The following NFIB variants were observed in gnomAD, a reference collection of about 807,000 sequenced individuals.
NFIB encodes the protein nuclear factor 1 B-type.
A neutral mutation model predicts 61.5 loss-of-function variants in NFIB; 11 were observed. That is an observed-to-expected ratio of 0.18 (90% CI 0.11 to 0.30). The LOEUF is 0.30. Ranked by LOEUF, NFIB falls within the 10% of genes least tolerant of loss-of-function variation. The probability of loss-of-function intolerance (pLI) is 1.00; values close to 1 mark genes in which losing one functional copy is unlikely to be tolerated. For missense variants in NFIB, 471 were observed against 608.9 expected (o/e 0.77, Z 2.38); for synonymous variants, 260 against 216.5 (o/e 1.20, Z -1.76).
chr9:14,332,910 G>T (rs1054195103), intron 1 of NFIB, among the ~76,000 whole-genome samples: 2 of 152,190 alleles, frequency 1.3e-5, no homozygotes, highest in Admixed American at 6.5e-5. Context: ...AGGTCGGAAG[G>T]GTGGTCTGAT....
chr9:14,512,431 CAG>C, the NFIB span, among the ~76,000 whole-genome samples: 9 of 152,162 alleles, frequency 5.9e-5, no homozygotes, highest in Admixed American at 5.9e-4. Context: ...TTCTTTGAGA[CAG>C]ATATTTATAA....
chr9:14,257,448 T>C (rs1444879805), intron 2 of NFIB, among the ~76,000 whole-genome samples: 1 of 152,118 alleles, frequency 6.6e-6, no homozygotes, highest in Non-Finnish European at 1.5e-5. Context: ...ACCTCAAAAA[T>C]CTTTCAGTAA....
chr9:14,120,707 C>G lies in NFIB; in HGVS notation c.1061-83G>C. On this transcript the variant is annotated intron_variant, in intron 7 of 10. Transcript: ENST00000380953. The surrounding 1 kb of genome is among the most constrained non-coding windows in gnomAD (Gnocchi z 4.4). ...TCTGATCCTGAAGAATGCTGTGAAA[C>G]TACAAAACTGGTAACCATTCATTTT... is the stretch of plus-strand genomic sequence containing the variant. 7.5e-7 allele frequency: 1 copy of G among 1,339,008 alleles called. No individual in the cohort carries two copies. Among genetic ancestry groups the G allele is most frequent in the Non-Finnish European group, 1.0e-6 (1 of 992,702 alleles). The allele number at this position is 1,339,008 out of a possible 1,614,324, so 82.9% of individuals were successfully genotyped here.
intron 1 of NFIB, among the ~76,000 whole-genome samples, chr9:14,360,621 T>C (rs1295157038): frequency 6.6e-6 from 1 of 151,624 alleles, no homozygotes; most frequent in Admixed American, 6.6e-5. Context: ...CTCGGCTCAC[T>C]GCAAGCTCCG....
At chr9:14,390,853 T>G (rs1260227047) in intron 1 of NFIB, among the ~76,000 whole-genome samples, 2 of 152,188 alleles carry the variant, frequency 1.3e-5, no homozygotes, top group Non-Finnish European at 2.9e-5. Flanking sequence ...AGAAATAGAT[T>G]TCTGTTGTTT....
chr9:14,311,528 G>A (rs184808537), intron 1 of NFIB, among the ~76,000 whole-genome samples: 30 of 146,260 alleles, frequency 2.1e-4, no homozygotes, highest in African/African-American at 7.3e-4. Context: ...AAATAGTAGA[G>A]AATATTAGTC....
intron 1 of NFIB, among the ~76,000 whole-genome samples, chr9:14,312,457 C>T (rs1243284208): frequency 2.0e-5 from 3 of 152,126 alleles, no homozygotes; most frequent in Non-Finnish European, 4.4e-5. Context: ...AATAAGCTGC[C>T]CCATACCTTT....
chr9:14,516,715 C>T, the NFIB span, among the ~76,000 whole-genome samples: 8 of 152,154 alleles, frequency 5.3e-5, no homozygotes, highest in Admixed American at 2.0e-4. Context: ...GTAATATAGT[C>T]GTATCAAGCC....
At chr9:14,139,153 G>GA (rs1586956607) in intron 6 of NFIB, among the ~76,000 whole-genome samples, 3 of 152,022 alleles carry the variant, frequency 2.0e-5, no homozygotes, top group East Asian at 1.9e-4. Flanking sequence ...AACAGAAAAT[G>GA]AAAAAAATCC....
the NFIB span, among the ~76,000 whole-genome samples, chr9:14,435,829 C>T: frequency 2.6e-5 from 4 of 152,186 alleles, no homozygotes; most frequent in Non-Finnish European, 5.9e-5. Context: ...GGCCTCAGAA[C>T]CAGGCTTCTT....
the NFIB span, among the ~76,000 whole-genome samples, chr9:14,463,218 C>T: frequency 6.6e-6 from 1 of 150,550 alleles, no homozygotes; most frequent in Non-Finnish European, 1.5e-5. Flanking sequence ...AATAAACTGC[C>T]TATGGTAATA....
intron 2 of NFIB, among the ~76,000 whole-genome samples, chr9:14,214,495 C>T (rs2050646105): frequency 6.6e-6 from 1 of 152,196 alleles, no homozygotes. Flanking sequence ...CCATTTTCAC[C>T]CACACTATCT....
chr9:14,393,241 C>T (rs2061646179), intron 1 of NFIB, among the ~76,000 whole-genome samples: 2 of 152,208 alleles, frequency 1.3e-5, no homozygotes, highest in South Asian at 4.2e-4. Context: ...TGCACATCCT[C>T]CCAGTGCACT....
intron 2 of NFIB, among the ~76,000 whole-genome samples, chr9:14,195,961 T>C (rs947486548): frequency 6.6e-6 from 1 of 152,094 alleles, no homozygotes; most frequent in Non-Finnish European, 1.5e-5. Flanking sequence ...ATTAATATCA[T>C]CCAGCAATTA....
At chr9:14,452,929 T>C in the NFIB span, among the ~76,000 whole-genome samples, 2,105 of 152,362 alleles carry the variant, frequency 0.014, 50 homozygotes, top group African/African-American at 0.048. Context: ...CATTGGGTTT[T>C]ATTTAGATCA....
intron 4 of NFIB, 105 bp from the exon 5 acceptor site, chr9:14,150,370 G>T: frequency 6.4e-7 from 1 of 1,554,802 alleles, no homozygotes; most frequent in African/African-American, 1.4e-5. Flanking sequence ...AAGATAGAGA[G>T]AACTTTCTTC....
At chr9:14,337,195 A>G (rs1331137860) in intron 1 of NFIB, among the ~76,000 whole-genome samples, 1 of 152,214 alleles carries the variant, frequency 6.6e-6, no homozygotes, top group Non-Finnish European at 1.5e-5. Flanking sequence ...AACATATACA[A>G]GAAGTTCTCA....
intron 2 of NFIB, among the ~76,000 whole-genome samples, chr9:14,197,747 G>A (rs1010043145): frequency 2.0e-5 from 3 of 152,288 alleles, no homozygotes; most frequent in East Asian, 3.9e-4. Context: ...AGTCAGAGGT[G>A]TCCCTGAGGC....
At chr9:14,256,456 G>C (rs1259286715) in intron 2 of NFIB, among the ~76,000 whole-genome samples, 2 of 151,782 alleles carry the variant, frequency 1.3e-5, no homozygotes, top group Non-Finnish European at 2.9e-5. Context: ...TAACCATAAA[G>C]AAGAAAACAT....
Sources: allele counts gnomAD v4.1 joint callset (sites outside exome capture counted in the v4.1 genomes callset), GRCh38; gene constraint gnomAD v4.1.1; non-coding constraint Gnocchi (gnomAD v3.1); transcripts MANE v1.5; gene names NCBI Gene and HGNC (gene_info 2026-07-23, HGNC 2026-07-21).